Variants in CNTNAP2 observed in about 807,000 individuals in gnomAD.
The protein encoded by CNTNAP2 is contactin associated protein 2.
Under a neutral mutation model 155.2 loss-of-function variants are expected in CNTNAP2, and 98 were observed. That is an observed-to-expected ratio of 0.63 (90% confidence interval 0.54 to 0.75). The LOEUF (loss-of-function observed/expected upper bound fraction) is 0.75. Among genes scored for constraint, CNTNAP2 ranks in the 30% least tolerant of loss-of-function variants. The probability of loss-of-function intolerance (pLI) is 0.00; values close to 1 mark genes in which losing one functional copy is unlikely to be tolerated. For synonymous variants in CNTNAP2, 651 were observed against 631.2 expected, an observed-to-expected ratio of 1.03 and a Z score of -0.47; for missense variants, 1,727 against 1,688.1, an observed-to-expected ratio of 1.02 and a Z score of -0.40.
At chr7:146,256,380 G>A (rs939834136) in intron 1 of CNTNAP2, among the ~76,000 whole-genome samples, 3 of 152,066 alleles carry the variant, frequency 2.0e-5, no homozygotes, top group Non-Finnish European at 2.9e-5. Flanking sequence ...CTAAATTTAT[G>A]TAAGGTCCAT....
chr7:147,461,536 G>A (rs1052802645), intron 10 of CNTNAP2, among the ~76,000 whole-genome samples: 2 of 151,980 alleles, frequency 1.3e-5, no homozygotes, highest in African/African-American at 4.8e-5. Flanking sequence ...AAAGTCAAGT[G>A]CTTGTTAACA....
intron 3 of CNTNAP2, among the ~76,000 whole-genome samples, chr7:146,994,120 A>T (rs1225868803): frequency 1.3e-5 from 2 of 152,244 alleles, no homozygotes; most frequent in African/African-American, 4.8e-5. Context: ...TTAAAAACTT[A>T]TTTAAGTCCA....
Position 147,314,085 on chromosome 7 carries a change from AATGC to A in CNTNAP2, c.1498+13799_1498+13802del, listed in dbSNP as rs371565684. ...TGTTTGTCTGTTATTGGTGTATAAG[AATGC>A]ATGTGATTTTTGTACATTGATTTTG... On this transcript the variant is annotated intron_variant, in intron 9 of 23. Coordinates refer to ENST00000361727, the MANE Select transcript of CNTNAP2 (RefSeq NM_014141.6). 7.7e-4 allele frequency among the ~76,000 whole-genome samples: 118 copies of A among 152,258 alleles called. 1 individual carries two copies. The East Asian group carries it at 0.019, about 25-fold the overall frequency.
At chr7:147,593,039 G>A (rs1365231158) in intron 12 of CNTNAP2, among the ~76,000 whole-genome samples, 2 of 151,974 alleles carry the variant, frequency 1.3e-5, no homozygotes, top group African/African-American at 4.8e-5. Flanking sequence ...ACATCACACC[G>A]AATATCATTA....
intron 3 of CNTNAP2, among the ~76,000 whole-genome samples, chr7:147,041,042 T>A (rs890073392): frequency 6.6e-6 from 1 of 152,230 alleles, no homozygotes; most frequent in African/African-American, 2.4e-5. Flanking sequence ...CAATTACTTG[T>A]TGCTAATCTT....
chr7:147,717,531 T>C (rs936340512), intron 13 of CNTNAP2, among the ~76,000 whole-genome samples: 1 of 152,242 alleles, frequency 6.6e-6, no homozygotes, highest in African/African-American at 2.4e-5. Context: ...CCATAGCTAA[T>C]GCTCCACCTT....
At chr7:146,542,620 G>T (rs940561909) in intron 1 of CNTNAP2, among the ~76,000 whole-genome samples, 83 of 151,728 alleles carry the variant, frequency 5.5e-4, no homozygotes, top group African/African-American at 1.8e-3. Context: ...CCTGTGATAT[G>T]CATTCTCCCT....
At chr7:148,401,851 G>A (rs1799590779) in intron 22 of CNTNAP2, among the ~76,000 whole-genome samples, 1 of 152,182 alleles carries the variant, frequency 6.6e-6, no homozygotes, top group Non-Finnish European at 1.5e-5. Flanking sequence ...GTCTGCCTCA[G>A]CCTCCCAAAG....
At chr7:147,175,102 G>A (rs1802311468) in intron 8 of CNTNAP2, among the ~76,000 whole-genome samples, 1 of 152,058 alleles carries the variant, frequency 6.6e-6, no homozygotes. Flanking sequence ...GGGCATGTAG[G>A]GAAAGGTAGA....
At chr7:146,450,457 T>C (rs1796462604) in intron 1 of CNTNAP2, among the ~76,000 whole-genome samples, 1 of 152,224 alleles carries the variant, frequency 6.6e-6, no homozygotes, top group Non-Finnish European at 1.5e-5. Context: ...GGATGAAATT[T>C]CCAAGAAAAC....
chr7:148,382,654 C>A (rs1365327045), intron 21 of CNTNAP2, among the ~76,000 whole-genome samples: 2 of 152,158 alleles, frequency 1.3e-5, no homozygotes, highest in Non-Finnish European at 2.9e-5. Context: ...AGCGCCGGGG[C>A]AAAAGAATCT....
intron 11 of CNTNAP2, among the ~76,000 whole-genome samples, chr7:147,560,226 A>G (rs6464823): frequency 0.45 from 64,970 of 145,352 alleles, 14,879 homozygotes; most frequent in East Asian, 0.6. Context: ...TCTTTGTCAT[A>G]TTGCTTTAGT....
chr7:146,905,182 C>T (rs1376925694), intron 3 of CNTNAP2, among the ~76,000 whole-genome samples: 1 of 151,826 alleles, frequency 6.6e-6, no homozygotes, highest in Non-Finnish European at 1.5e-5. Context: ...CTGAACTTAT[C>T]AAAAGTTCCC....
chr7:147,263,050 G>T (rs2116689174), intron 8 of CNTNAP2, among the ~76,000 whole-genome samples: 1 of 152,274 alleles, frequency 6.6e-6, no homozygotes, highest in East Asian at 1.9e-4. Flanking sequence ...CTGAACATGG[G>T]AACAAGACTT....
chr7:146,760,105 G>A lies in CNTNAP2; in HGVS notation c.98-14166G>A, dbSNP rs139529534. ...CTGGTAATTTTAGTCAAAAACATGA[G>A]TTCAATTAGATGTGAAGATACAATC... is the stretch of plus-strand genomic sequence containing the variant. On this transcript the variant is annotated intron_variant, in intron 1 of 23. Transcript: ENST00000361727. Among the ~76,000 whole-genome samples the A allele has an allele frequency of 3.0e-3, 449 of 152,172 alleles. 5 individuals carry two copies. The highest frequency in any genetic ancestry group is 0.01 in the African/African-American group (416 of 41,516).
At chr7:146,157,830 G>A (rs1268612350) in intron 1 of CNTNAP2, among the ~76,000 whole-genome samples, 1 of 152,196 alleles carries the variant, frequency 6.6e-6, no homozygotes, top group Admixed American at 6.5e-5. Context: ...TGAACAAAAG[G>A]CAGCAGAAAC....
At chr7:147,857,764 T>C (rs771411379) in intron 13 of CNTNAP2, among the ~76,000 whole-genome samples, 1 of 152,146 alleles carries the variant, frequency 6.6e-6, no homozygotes, top group Admixed American at 6.5e-5. Flanking sequence ...AAAATATCAA[T>C]AAAGCCAGAT....
chr7:146,123,735 C>G (rs990581718), intron 1 of CNTNAP2, among the ~76,000 whole-genome samples: 1 of 151,954 alleles, frequency 6.6e-6, no homozygotes, highest in Admixed American at 6.5e-5. Context: ...GTTAAAAAAA[C>G]AGTCTGTTAA....
intron 15 of CNTNAP2, among the ~76,000 whole-genome samples, chr7:148,053,838 G>A (rs1427897713): frequency 2.0e-5 from 3 of 152,032 alleles, no homozygotes; most frequent in Non-Finnish European, 4.4e-5. Context: ...AATAATGAAG[G>A]CTAAAATACT....
Sources: allele counts gnomAD v4.1 joint callset (sites outside exome capture counted in the v4.1 genomes callset), GRCh38; gene constraint gnomAD v4.1.1; transcripts MANE v1.5; gene names NCBI Gene and HGNC (gene_info 2026-07-23, HGNC 2026-07-21).